Variants in CDH23 observed in about 807,000 individuals in gnomAD.
The protein encoded by CDH23 is cadherin-23.
In CDH23, 189 loss-of-function variants were observed where a neutral mutation model predicts 317.1. The observed-to-expected ratio is 0.60, with a 90% CI of 0.53 to 0.67. The LOEUF (loss-of-function observed/expected upper bound fraction) is 0.67. Ranked by LOEUF, CDH23 falls within the 30% of genes least tolerant of loss-of-function variation. The probability of loss-of-function intolerance (pLI) is 0.00; values close to 1 mark genes in which losing one functional copy is unlikely to be tolerated. For synonymous variants in CDH23, 1,839 were observed against 1,876.8 expected, an observed-to-expected ratio of 0.98 and a Z score of 0.52; for missense variants, 4,401 against 4,592.4, an observed-to-expected ratio of 0.96 and a Z score of 1.20.
At chr10:71,549,689 GC>G (rs1192936970) in intron 6 of CDH23, among the ~76,000 whole-genome samples, 1 of 152,194 alleles carries the variant, frequency 6.6e-6, no homozygotes, top group Non-Finnish European at 1.5e-5. Flanking sequence ...CAGCCTGCGG[GC>G]CATTTTCAGA....
chr10:71,666,126 G>C (rs1863881652), intron 14 of CDH23, among the ~76,000 whole-genome samples: 1 of 151,978 alleles, frequency 6.6e-6, no homozygotes, highest in Non-Finnish European at 1.5e-5. Context: ...CACTAGTCAG[G>C]TCCCCATCCT....
chr10:71,586,017 G>A (rs1037889691), intron 9 of CDH23, among the ~76,000 whole-genome samples: 1 of 152,088 alleles, frequency 6.6e-6, no homozygotes, highest in African/African-American at 2.4e-5. Context: ...TCCCTTGCTC[G>A]GGACATAGAG....
intron 7 of CDH23, among the ~76,000 whole-genome samples, 181 bp from the exon 8 acceptor site, chr10:71,570,609 T>A (rs1857724434): frequency 6.6e-6 from 1 of 152,238 alleles, no homozygotes; most frequent in Admixed American, 6.5e-5. Context: ...CTTAGAATTC[T>A]TAAGCTTCCT....
chr10:71,491,242 T>C (rs534956159), intron 3 of CDH23, among the ~76,000 whole-genome samples: 94 of 152,268 alleles, frequency 6.2e-4, no homozygotes, highest in African/African-American at 2.2e-3. Flanking sequence ...GGTACTTTGA[T>C]TACTTTGCAG....
At chr10:71,646,987 C>T in intron 14 of CDH23, 1 of 985,354 alleles carries the variant, frequency 1.0e-6, no homozygotes, top group Non-Finnish European at 1.2e-6. Context: ...TGAGCACAGG[C>T]ACCAGAGAGG....
At chr10:71,811,278 C>T in intron 62 of CDH23, 37 bp from the exon 63 acceptor site, 1 of 1,613,282 alleles carries the variant, frequency 6.2e-7, no homozygotes. Context: ...GGGGGAATGG[C>T]TGAGGAGGAG....
intron 64 of CDH23, 57 bp downstream of exon 64, chr10:71,811,647 C>A (rs1292188713): frequency 1.2e-6 from 2 of 1,613,654 alleles, no homozygotes; most frequent in South Asian, 1.1e-5. Flanking sequence ...CGGATGGCCA[C>A]GAGGCAGGCA....
At chr10:71,747,175 C>T (rs1373303910) in intron 38 of CDH23, among the ~76,000 whole-genome samples, 1 of 152,198 alleles carries the variant, frequency 6.6e-6, no homozygotes, top group Non-Finnish European at 1.5e-5. Context: ...TCCAAGAGAC[C>T]CTGGGGCTCA....
At chr10:71,705,222 C>A in intron 25 of CDH23, 92 bp downstream of exon 25, 1 of 1,220,316 alleles carries the variant, frequency 8.2e-7, no homozygotes. Context: ...ATGTCCCCCA[C>A]TGCTGTCTAT....
Position 71,784,918 on chromosome 10 carries a change from A to G in CDH23, c.5530A>G (p.Ile1844Val). 2 of 1,613,970 alleles carry G rather than the reference A, an allele frequency of 1.2e-6. No homozygotes were observed. Among genetic ancestry groups the G allele is most frequent in the Non-Finnish European group, 1.7e-6 (2 of 1,179,884 alleles). Residue 1844 changes from isoleucine (I) to valine (V), a missense_variant, in exon 43 of 70, where the codon ATC (isoleucine) becomes GTC (valine). This residue lies in a region of CDH23 where 3,068 missense variants were observed against 3,203.3 expected (regional missense o/e 0.96). Transcript: ENST00000224721. Reference protein sequence around the residue: ...TMLVGIRVLDINDNDPVLLNL... With the variant: ...TMLVGIRVLDVNDNDPVLLNL... ...GCTGGTGGGGATCCGGGTGCTGGAC[A>G]TCAACGACAACGACCCTGTGCTGCT...
chr10:71,713,208 G>A, intron 28 of CDH23: 1 of 779,266 alleles, frequency 1.3e-6, no homozygotes. Context: ...AGAGCCCTTG[G>A]CCGAGGCTCC....
chr10:71,646,892 G>A, intron 14 of CDH23: 3 of 1,428,946 alleles, frequency 2.1e-6, no homozygotes, highest in Non-Finnish European at 1.8e-6. Context: ...GAGAGACTCA[G>A]TGAGGGTGGG....
chr10:71,522,589 C>T (rs10509337), intron 6 of CDH23, among the ~76,000 whole-genome samples: 11,525 of 152,216 alleles, frequency 0.076, 655 homozygotes, highest in South Asian at 0.16. Context: ...GGTGCTGACA[C>T]AAGGTCCCCA....
chr10:71,578,445 T>A (rs1858380644), intron 9 of CDH23, among the ~76,000 whole-genome samples: 1 of 152,210 alleles, frequency 6.6e-6, no homozygotes, highest in East Asian at 1.9e-4. Context: ...GATTTCATGT[T>A]CTTTTCACAT....
In CDH23 at chr10:71,709,170, G is replaced by T; in HGVS notation, c.3179G>T (p.Arg1060Leu). The T allele has an allele frequency of 1.2e-6, 2 of 1,613,968 alleles. No homozygotes were observed. Among genetic ancestry groups the T allele is most frequent in the South Asian group, 1.1e-5 (1 of 91,080 alleles). The change falls in exon 27 of 70, where the codon CGG (arginine) becomes CTG (leucine). Residue 1060 changes from arginine to leucine, a missense_variant. This residue lies in a region of CDH23 where 3,068 missense variants were observed against 3,203.3 expected (regional missense o/e 0.96). Coordinates refer to ENST00000224721, the MANE Select transcript of CDH23 (RefSeq NM_022124.6). The part of the protein sequence containing the change: ...AVVRTVVGLD[R>L]ETTAAYMLIL... ...GTGAGAACCGTGGTGGGCCTGGACC[G>T]GGAGACCACAGCCGCCTACATGCTC...
chr10:71,552,097 A>G (rs771348769), intron 6 of CDH23, among the ~76,000 whole-genome samples: 4 of 152,074 alleles, frequency 2.6e-5, no homozygotes, highest in African/African-American at 4.8e-5. Flanking sequence ...GCCAGGCCTC[A>G]GGCTGTGTGT....
At chr10:71,412,552 C>T (rs903781997) in intron 1 of CDH23, among the ~76,000 whole-genome samples, 6 of 152,084 alleles carry the variant, frequency 3.9e-5, no homozygotes, top group Non-Finnish European at 8.8e-5. Flanking sequence ...AACTGTAGTG[C>T]ACAGTTCTAA....
chr10:71,646,173 A>T (rs1725355997), intron 13 of CDH23, among the ~76,000 whole-genome samples, 193 bp downstream of exon 13: 1 of 152,046 alleles, frequency 6.6e-6, no homozygotes, highest in South Asian at 2.1e-4. Context: ...GAGGAAAAGG[A>T]TATGTCCAGT....
chr10:71,516,620 G>C (rs1276714443), intron 6 of CDH23, among the ~76,000 whole-genome samples: 1 of 152,166 alleles, frequency 6.6e-6, no homozygotes, highest in Non-Finnish European at 1.5e-5. Context: ...GCCCAACACT[G>C]TTTTCTGCAT....
Sources: gnomAD v4.1 joint callset for allele counts (sites outside exome capture counted in the v4.1 genomes callset) on GRCh38, gnomAD v4.1.1 for gene constraint, gnomAD v4.1.1 regional missense constraint, MANE v1.5 for transcripts, NCBI Gene and HGNC (gene_info 2026-07-23, HGNC 2026-07-21) for gene names.